SPATA7: variants seen among roughly 807,000 people sequenced by gnomAD.
The protein encoded by SPATA7 is spermatogenesis associated 7, also known as spermatogenesis-associated protein 7.
SPATA7 carries 43 observed loss-of-function variants against 51.8 expected under a neutral mutation model. The ratio of observed to expected loss-of-function variants is 0.83; its 90% CI spans 0.65 to 1.07. SPATA7 has a LOEUF of 1.07. SPATA7 is among the 50% of genes least tolerant of loss of function. The pLI, the probability that SPATA7 is intolerant of heterozygous loss-of-function variation, is 0.00. For synonymous variants in SPATA7, 230 were observed against 252.8 expected (o/e 0.91, Z 0.86); for missense variants, 683 against 701.3 (o/e 0.97, Z 0.30).
intron 10 of SPATA7, among the ~76,000 whole-genome samples, chr14:88,436,041 G>A (rs556384476): frequency 6.6e-5 from 10 of 152,214 alleles, no homozygotes; most frequent in Admixed American, 2.0e-4. Context: ...CAGTGTGCAA[G>A]GATTCCCTTT....
At chr14:88,467,336 A>G (rs2077380349) in intron 4 of SPATA7, 1 of 152,212 alleles carries the variant, frequency 6.6e-6, no homozygotes, top group Non-Finnish European at 1.5e-5. Context: ...CAACCAATAA[A>G]ATCAAATTCA....
intron 3 of SPATA7, among the ~76,000 whole-genome samples, chr14:88,394,637 G>A (rs557890710): frequency 1.3e-5 from 2 of 152,172 alleles, no homozygotes; most frequent in South Asian, 2.1e-4. Context: ...TAATTTTGGC[G>A]CATGTGTTTA....
chr14:88,449,934 C>T (rs1456164370), intron 3 of SPATA7, among the ~76,000 whole-genome samples: 1 of 151,738 alleles, frequency 6.6e-6, no homozygotes, highest in African/African-American at 2.4e-5. Flanking sequence ...GAAAGATATT[C>T]CATTGGTAAC....
chr14:88,412,024 A>T (rs949276808), intron 4 of SPATA7, among the ~76,000 whole-genome samples: 3 of 151,948 alleles, frequency 2.0e-5, no homozygotes, highest in African/African-American at 7.3e-5. Flanking sequence ...ACCTTGCCAC[A>T]TCTACTATTT....
downstream of SPATA7, among the ~76,000 whole-genome samples, chr14:88,440,419 T>C (rs1315534003): frequency 6.6e-6 from 1 of 152,224 alleles, no homozygotes; most frequent in Non-Finnish European, 1.5e-5. Context: ...GGTGAGTTGA[T>C]TTAAAGAAAT....
chr14:88,437,476 G>T (rs74075034), intron 10 of SPATA7, 67 bp from the exon 11 acceptor site: 1 of 1,116,108 alleles, frequency 9.0e-7, no homozygotes. Flanking sequence ...TCAGTGTTAC[G>T]TAGCTAGTTT....
intron 4 of SPATA7, among the ~76,000 whole-genome samples, chr14:88,412,228 T>C (rs1099697): frequency 0.57 from 82,323 of 143,252 alleles, 24,900 homozygotes; most frequent in Admixed American, 0.7. Flanking sequence ...CTTGCTTTTT[T>C]TTTTTTTTTT....
rs371865714 is a variant in SPATA7, at chr14:88,461,459, C to A, written c.255-8388C>A. On this transcript the variant is annotated intron_variant, in intron 4 of 4. Coordinates refer to the SPATA7 transcript ENST00000556406. Reference sequence around the variant, plus strand: ...GCCATCTTGCAGATAGATCTCAGACCGCTGTGCTAGCAGTGAGTGAGTATC... The same window carrying A: ...GCCATCTTGCAGATAGATCTCAGACAGCTGTGCTAGCAGTGAGTGAGTATC... Among the ~76,000 whole-genome samples, 109 of 152,130 alleles carry A rather than the reference C, an allele frequency of 7.2e-4. 1 individual carries two copies. Among genetic ancestry groups the A allele is most frequent in the Middle Eastern group, 3.2e-3 (1 of 316 alleles).
chr14:88,418,402 C>A (rs2076544448), intron 5 of SPATA7, among the ~76,000 whole-genome samples: 1 of 152,108 alleles, frequency 6.6e-6, no homozygotes, highest in South Asian at 2.1e-4. Context: ...AGCTGCATCC[C>A]ACAAGTTTTG....
Position 88,469,461 on chromosome 14 carries a change from G to C in SPATA7, c.255-386G>C. Reference sequence around the variant, plus strand: ...TGTTCCTCTCTGTTTAACACCTCCAGAGGCAGCTGTCCTCGGAACAAAGTT... The same window carrying C: ...TGTTCCTCTCTGTTTAACACCTCCACAGGCAGCTGTCCTCGGAACAAAGTT... On this transcript the variant is annotated intron_variant, in intron 4 of 4. Transcript: ENST00000556406. The surrounding 1 kb of genome is among the most constrained non-coding windows in gnomAD (Gnocchi z 4.3). 1 of 1,514,246 alleles carries C rather than the reference G, an allele frequency of 6.6e-7. No homozygotes were observed. Among genetic ancestry groups the C allele is most frequent in the African/African-American group, 1.4e-5 (1 of 72,780 alleles). The allele number at this position is 1,514,246 out of a possible 1,614,324, so 93.8% of individuals were successfully genotyped here.
At chr14:88,454,038 C>A (rs2077268651) in intron 3 of SPATA7, among the ~76,000 whole-genome samples, 1 of 152,146 alleles carries the variant, frequency 6.6e-6, no homozygotes, top group South Asian at 2.1e-4. Flanking sequence ...ACCCAACAAA[C>A]CCTCAAGTTT....
intron 5 of SPATA7, among the ~76,000 whole-genome samples, chr14:88,422,626 A>G (rs2076678023): frequency 6.7e-6 from 1 of 148,756 alleles, no homozygotes; most frequent in African/African-American, 2.4e-5. Context: ...TACATATTAT[A>G]TATTTTTAAT....
chr14:88,440,707 T>A (rs1023342367), downstream of SPATA7, among the ~76,000 whole-genome samples: 1 of 152,234 alleles, frequency 6.6e-6, no homozygotes, highest in Non-Finnish European at 1.5e-5. Context: ...GCTGGGTTAC[T>A]GAGCCTGTGT....
chr14:88,402,977 A>AC (rs1237581137), intron 4 of SPATA7, among the ~76,000 whole-genome samples: 3 of 151,032 alleles, frequency 2.0e-5, no homozygotes, highest in South Asian at 2.1e-4. Context: ...AAAAAAAAAA[A>AC]AAAAAACCCA....
chr14:88,400,441 G>A (rs1428078060), intron 4 of SPATA7, among the ~76,000 whole-genome samples: 6 of 152,042 alleles, frequency 3.9e-5, no homozygotes, highest in South Asian at 4.1e-4. Context: ...AGCCCACCTC[G>A]GTAAATCCCT....
At chr14:88,410,869 T>A (rs529218760) in intron 4 of SPATA7, 501 of 153,392 alleles carry the variant, frequency 3.3e-3, no homozygotes, top group South Asian at 6.0e-3. Context: ...GGGACCCACC[T>A]GAGGAGGCAG....
downstream of SPATA7, chr14:88,438,476 T>C: frequency 7.5e-7 from 1 of 1,325,656 alleles, no homozygotes; most frequent in Non-Finnish European, 1.1e-6. Flanking sequence ...CTTTTCTTCC[T>C]TTTTTAAAAT....
chr14:88,462,342 A>G (rs2077323150), intron 4 of SPATA7, among the ~76,000 whole-genome samples: 1 of 152,244 alleles, frequency 6.6e-6, no homozygotes, highest in Admixed American at 6.5e-5. Context: ...TTGAATCTGT[A>G]CTAGTCTCAT....
intron 9 of SPATA7, 30 bp downstream of exon 9, chr14:88,431,255 A>G (rs1323378475): frequency 3.2e-6 from 5 of 1,583,402 alleles, no homozygotes; most frequent in East Asian, 2.2e-5. Flanking sequence ...TTCGTTTTGC[A>G]TAGTGGAATC....
Sources: allele counts gnomAD v4.1 joint callset (sites outside exome capture counted in the v4.1 genomes callset), GRCh38; gene constraint gnomAD v4.1.1; non-coding constraint Gnocchi (gnomAD v3.1); transcripts MANE v1.5; gene names NCBI Gene and HGNC (gene_info 2026-07-23, HGNC 2026-07-21).